The following CHSY3 variants were observed in gnomAD, a reference collection of about 807,000 sequenced individuals.
CHSY3 encodes N-acetylgalactosaminyl-proteoglycan 3-beta-glucuronosyltransferase 3.
CHSY3 carries 35 observed loss-of-function variants against 67.2 expected under a neutral mutation model. The observed-to-expected ratio is 0.52, with a 90% CI of 0.40 to 0.69. CHSY3 has a LOEUF of 0.69. Ranked by LOEUF, CHSY3 falls within the 30% of genes least tolerant of loss-of-function variation. The probability of loss-of-function intolerance (pLI) is 0.00; values close to 1 mark genes in which losing one functional copy is unlikely to be tolerated. For synonymous variants in CHSY3, 474 were observed against 434.7 expected (o/e 1.09, Z -1.12); for missense variants, 1,069 against 1,138.5 (o/e 0.94, Z 0.88).
intron 2 of CHSY3, among the ~76,000 whole-genome samples, chr5:129,930,637 T>C (rs1031483913): frequency 2.9e-4 from 44 of 151,450 alleles, no homozygotes; most frequent in Admixed American, 1.3e-4. Flanking sequence ...TTCACCTACA[T>C]CAAAGCTGTA....
intron 2 of CHSY3, among the ~76,000 whole-genome samples, chr5:129,922,273 G>A (rs756074557): frequency 5.3e-5 from 8 of 152,184 alleles, no homozygotes; most frequent in Admixed American, 2.0e-4. Flanking sequence ...CTTGGCTATT[G>A]TGGGTAATTC....
At chr5:129,986,858 G>A (rs866564127) in intron 2 of CHSY3, among the ~76,000 whole-genome samples, 1 of 152,062 alleles carries the variant, frequency 6.6e-6, no homozygotes, top group Non-Finnish European at 1.5e-5. Context: ...TCCCAAGCTG[G>A]TCTTGAACTC....
rs767434706 is a variant in CHSY3, at chr5:130,184,882, C to G, written c.1740C>G (p.Val580=). 1.3e-6 allele frequency: 2 copies of G among 1,576,308 alleles called. No individual in the cohort carries two copies. Among genetic ancestry groups the G allele is most frequent in the African/African-American group, 2.7e-5 (2 of 74,190 alleles). Residue 580 remains valine (V), a synonymous_variant, in exon 3 of 3, where the codon GTC becomes GTG. Coordinates refer to ENST00000305031, the MANE Select transcript of CHSY3 (RefSeq NM_175856.5). ...PFFRETEELD[V]NSLVESINSE... is the part of the protein sequence containing the mutation. ...TCAGAGAGACCGAAGAGCTAGATGT[C>G]AACAGTCTTGTGGAGAGTATTAACA...
chr5:130,157,289 G>T (rs1769399551), intron 2 of CHSY3, among the ~76,000 whole-genome samples: 1 of 152,178 alleles, frequency 6.6e-6, no homozygotes, highest in Non-Finnish European at 1.5e-5. Flanking sequence ...AGATACTCAG[G>T]CCATACCTGG....
Position 130,143,808 on chromosome 5 carries a change from GTGTATATATATATATA to G in CHSY3, c.1087-40419_1087-40404del, listed in dbSNP as rs1768979660. On this transcript the variant is annotated intron_variant, in intron 2 of 2. Transcript: ENST00000305031. ...TGTATATATATATATATATATATGT[GTGTATATATATATATA>G]TATATATATATATATATATATATGC... Among the ~76,000 whole-genome samples, 3 of 34,066 alleles carry G rather than the reference GTGTATATATATATATA, an allele frequency of 8.8e-5. 1 individual carries two copies. The highest frequency in any genetic ancestry group is 2.8e-3 in the South Asian group (2 of 702). The allele number at this position is 34,066 out of a possible 152,430, so 22.3% of individuals were successfully genotyped here. A position where few individuals can be genotyped will look rare whatever the true frequency, so the allele number is the denominator to read the frequency against.
At chr5:129,937,505 C>A (rs1010871829) in intron 2 of CHSY3, among the ~76,000 whole-genome samples, 2 of 152,056 alleles carry the variant, frequency 1.3e-5, no homozygotes, top group African/African-American at 2.4e-5. Flanking sequence ...AGTCTCATGT[C>A]CTTCTCACAT....
At chr5:130,103,212 T>A (rs1767303764) in intron 2 of CHSY3, among the ~76,000 whole-genome samples, 1 of 152,000 alleles carries the variant, frequency 6.6e-6, no homozygotes, top group Non-Finnish European at 1.5e-5. Context: ...TACTTTGTGG[T>A]CTTGTTTAGC....
rs1397754820 is a variant in CHSY3 at position 130,178,185 on chromosome 5, G to GTA, written c.1087-6043_1087-6042insAT. ...GTATTATATGTATATATATGTGTGT[G>GTA]TGTATATATATATATTTATATATAT... On this transcript the variant is annotated intron_variant, in intron 2 of 2. Coordinates refer to ENST00000305031, the MANE Select transcript of CHSY3 (RefSeq NM_175856.5). 9.3e-3 allele frequency among the ~76,000 whole-genome samples: 949 copies of GTA among 101,868 alleles called. 22 individuals are homozygous for GTA. The highest frequency in any genetic ancestry group is 0.034 in the African/African-American group (884 of 25,694). 66.8% of individuals were successfully genotyped at this position (101,868 alleles called of 152,430 possible).
At chr5:129,916,851 G>A (rs771870667) in intron 2 of CHSY3, among the ~76,000 whole-genome samples, 18 of 151,964 alleles carry the variant, frequency 1.2e-4, no homozygotes, top group Non-Finnish European at 2.5e-4. Flanking sequence ...TATAGAGTTG[G>A]GTTTCTCATC....
At chr5:130,090,089 A>G (rs60947206) in intron 2 of CHSY3, among the ~76,000 whole-genome samples, 19,585 of 152,060 alleles carry the variant, frequency 0.13, 1,827 homozygotes, top group African/African-American at 0.26. Flanking sequence ...AGGTACTAAT[A>G]CCAAAACTTC....
Position 130,184,488 on chromosome 5 carries a change from T to A in CHSY3, c.1346T>A (p.Ile449Lys). ...AAAGAGGACCAGCAGCTGGGAGTGA[T>A]ACCTTCTTTCAACCACTTCCAGCCT... ...VSKEDQQLGVIPSFNHFQPRE... is the reference protein window; with the variant it reads ...VSKEDQQLGVKPSFNHFQPRE... Residue 449 changes from isoleucine to lysine, a missense_variant, in exon 3 of 3, where the codon ATA (isoleucine) becomes AAA (lysine). Physicochemically the swap from Ile to Lys is moderately radical, Grantham distance 102. Coordinates refer to ENST00000305031, the MANE Select transcript of CHSY3 (RefSeq NM_175856.5). The A allele has an allele frequency of 6.2e-7, 1 of 1,613,022 alleles. No individual in the cohort carries two copies. The highest frequency in any genetic ancestry group is 8.5e-7 in the Non-Finnish European group (1 of 1,178,990).
At chr5:129,948,058 T>G (rs1761911773) in intron 2 of CHSY3, among the ~76,000 whole-genome samples, 1 of 152,216 alleles carries the variant, frequency 6.6e-6, no homozygotes, top group South Asian at 2.1e-4. Flanking sequence ...TTCTATAGGT[T>G]GCCTTTTAAT....
At chr5:130,151,588 T>G (rs969724706) in intron 2 of CHSY3, among the ~76,000 whole-genome samples, 2 of 152,170 alleles carry the variant, frequency 1.3e-5, no homozygotes, top group African/African-American at 4.8e-5. Context: ...TTAATTGACT[T>G]GCAGTTCAGC....
intron 2 of CHSY3, among the ~76,000 whole-genome samples, chr5:130,062,414 G>A (rs555847683): frequency 5.9e-5 from 9 of 152,154 alleles, no homozygotes; most frequent in Admixed American, 2.0e-4. Context: ...AGGCTGAGAG[G>A]GTGGTGAGGG....
chr5:130,178,249 A>T lies in CHSY3; in HGVS notation c.1087-5980A>T, dbSNP rs867570920. Among the ~76,000 whole-genome samples, 292 of 68,418 alleles carry T rather than the reference A, an allele frequency of 4.3e-3. 5 individuals carry two copies. Among genetic ancestry groups the T allele is most frequent in the African/African-American group, 0.014 (171 of 12,482 alleles). The allele number at this position is 68,418 out of a possible 152,430, so 44.9% of individuals were successfully genotyped here. Reference sequence around the variant, plus strand: ...TATTTATATATATATATATATATATATATATTTTTTTTTTTTTTTTTCCTG... The same window carrying T: ...TATTTATATATATATATATATATATTTATATTTTTTTTTTTTTTTTTCCTG... On this transcript the variant is annotated intron_variant, in intron 2 of 2. Transcript: ENST00000305031.
At chr5:129,959,081 G>A (rs1243801724) in intron 2 of CHSY3, among the ~76,000 whole-genome samples, 2 of 152,012 alleles carry the variant, frequency 1.3e-5, no homozygotes, top group African/African-American at 2.4e-5. Context: ...GCTCTCTTTA[G>A]TGAATTTGCA....
Position 129,922,159 on chromosome 5 carries a change from G to A in CHSY3, c.1086+13799G>A, listed in dbSNP as rs116218464. On this transcript the variant is annotated intron_variant, in intron 2 of 2. Coordinates refer to ENST00000305031, the MANE Select transcript of CHSY3 (RefSeq NM_175856.5). ...TTCTATCCGTGTTGTTGCAAATGAC[G>A]GGATTTCATTCTTGTTTATGGCTGA... Among the ~76,000 whole-genome samples, 976 of 152,212 alleles carry A rather than the reference G, an allele frequency of 6.4e-3. 14 individuals carry two copies. The highest frequency in any genetic ancestry group is 0.023 in the African/African-American group (946 of 41,532).
rs191935064 is a variant in CHSY3, at chr5:129,933,976, G to A, written c.1086+25616G>A. ...TCAGTGTTGGTTTCAAGTTTTCAGT[G>A]TTGCTTATGCATAACCTATCCTTTG... On this transcript the variant is annotated intron_variant, in intron 2 of 2. Transcript: ENST00000305031. Among the ~76,000 whole-genome samples the A allele has an allele frequency of 1.3e-4, 20 of 152,182 alleles. No homozygotes were observed. The East Asian group carries it at 3.1e-3, about 24-fold the overall frequency.
chr5:129,905,903 T>C, intron 1 of CHSY3: 1 of 665,408 alleles, frequency 1.5e-6, no homozygotes, highest in Non-Finnish European at 2.4e-6. Context: ...GCTTGTCCCT[T>C]AGTCTTTACC....
Sources: allele counts gnomAD v4.1 joint callset (sites outside exome capture counted in the v4.1 genomes callset), GRCh38; gene constraint gnomAD v4.1.1; transcripts MANE v1.5; gene names NCBI Gene and HGNC (gene_info 2026-07-23, HGNC 2026-07-21).